SPOCK3: variants seen among roughly 807,000 people sequenced by gnomAD.
SPOCK3 encodes the protein SPARC (osteonectin), cwcv and kazal like domains proteoglycan 3.
In SPOCK3, 30 loss-of-function variants were observed where a neutral mutation model predicts 56.6. The observed-to-expected ratio is 0.53, with a 90% CI of 0.40 to 0.72. SPOCK3 has a LOEUF of 0.72. SPOCK3 is among the 30% of genes least tolerant of loss of function. The pLI is 0.00. For missense variants in SPOCK3, 527 were observed against 530.0 expected (o/e 0.99, Z 0.06); for synonymous variants, 196 against 183.3 (o/e 1.07, Z -0.56).
At chr4:166,906,079 T>C (rs1346309396) in intron 5 of SPOCK3, among the ~76,000 whole-genome samples, 2 of 152,054 alleles carry the variant, frequency 1.3e-5, no homozygotes, top group African/African-American at 4.8e-5. Context: ...GAAATTCTTA[T>C]GGAAATGCAA....
chr4:166,750,684 T>C (rs563762135), intron 8 of SPOCK3, among the ~76,000 whole-genome samples: 1 of 152,282 alleles, frequency 6.6e-6, no homozygotes, highest in East Asian at 1.9e-4. Flanking sequence ...TTGGTAATTT[T>C]CAATACAACA....
intron 2 of SPOCK3, among the ~76,000 whole-genome samples, chr4:167,105,482 G>C: frequency 1.4e-5 from 1 of 70,900 alleles, no homozygotes; most frequent in East Asian, 4.7e-4. Flanking sequence ...AAAAAAAAAC[G>C]AATCATACCA....
intron 3 of SPOCK3, among the ~76,000 whole-genome samples, chr4:167,017,610 A>G (rs911614056): frequency 7.9e-5 from 12 of 152,074 alleles, no homozygotes; most frequent in African/African-American, 2.7e-4. Flanking sequence ...GAATGAGGAG[A>G]CAGTTAAGAG....
intron 6 of SPOCK3, among the ~76,000 whole-genome samples, chr4:166,838,930 C>G (rs2126820508): frequency 6.6e-6 from 1 of 150,890 alleles, no homozygotes; most frequent in East Asian, 2.0e-4. Context: ...CCACTGCACT[C>G]TAGCCTAGGC....
chr4:167,233,960 G>C (rs778094481), intron 2 of SPOCK3, 25 bp downstream of exon 2: 4 of 1,601,082 alleles, frequency 2.5e-6, no homozygotes, highest in South Asian at 1.1e-5. Flanking sequence ...GCGTGTGCCC[G>C]GGGATGTGGG....
chr4:167,152,980 G>A (rs937595330), intron 2 of SPOCK3, among the ~76,000 whole-genome samples: 4 of 152,136 alleles, frequency 2.6e-5, no homozygotes, highest in African/African-American at 9.7e-5. Flanking sequence ...CCAATGTAAA[G>A]AAATCCAATC....
intron 2 of SPOCK3, among the ~76,000 whole-genome samples, chr4:167,163,239 T>C (rs1389020040): frequency 6.7e-6 from 1 of 149,782 alleles, no homozygotes; most frequent in Non-Finnish European, 1.5e-5. Context: ...AAAATGTCAC[T>C]ACATGAACGT....
At chr4:167,024,758 C>T (rs921478698) in intron 3 of SPOCK3, among the ~76,000 whole-genome samples, 8 of 151,770 alleles carry the variant, frequency 5.3e-5, no homozygotes, top group Admixed American at 3.9e-4. Flanking sequence ...GTACACTGCT[C>T]GGGTGGTGGG....
intron 8 of SPOCK3, among the ~76,000 whole-genome samples, chr4:166,746,905 A>T (rs1735689903): frequency 6.6e-6 from 1 of 152,194 alleles, no homozygotes; most frequent in Non-Finnish European, 1.5e-5. Context: ...AAATTCCTGG[A>T]CACATACACC....
At chr4:167,105,711 T>TA (rs1251922550) in intron 2 of SPOCK3, among the ~76,000 whole-genome samples, 5 of 151,432 alleles carry the variant, frequency 3.3e-5, no homozygotes, top group Non-Finnish European at 5.9e-5. Flanking sequence ...TTAAAAAAAT[T>TA]AAAAAAAGAC....
intron 2 of SPOCK3, among the ~76,000 whole-genome samples, chr4:167,152,142 T>C (rs931691216): frequency 1.4e-4 from 21 of 152,196 alleles, no homozygotes; most frequent in African/African-American, 5.1e-4. Context: ...GTAGCTTACA[T>C]CATTGTAAAA....
intron 2 of SPOCK3, among the ~76,000 whole-genome samples, chr4:167,158,803 T>A (rs2150433862): frequency 1.3e-5 from 2 of 152,114 alleles, no homozygotes; most frequent in East Asian, 1.9e-4. Context: ...ATAATAGATA[T>A]CACTTGGGAT....
At chr4:167,194,916 C>G (rs1035701861) in intron 2 of SPOCK3, among the ~76,000 whole-genome samples, 8 of 152,130 alleles carry the variant, frequency 5.3e-5, no homozygotes, top group African/African-American at 1.7e-4. Flanking sequence ...CCCATTCGGT[C>G]CCTGTAAAGA....
chr4:166,983,919 T>A (rs1315099322), intron 4 of SPOCK3, among the ~76,000 whole-genome samples: 1 of 152,028 alleles, frequency 6.6e-6, no homozygotes, highest in East Asian at 1.9e-4. Flanking sequence ...GAGTTGAAAA[T>A]CTTTTTCCTA....
intron 6 of SPOCK3, among the ~76,000 whole-genome samples, chr4:166,876,560 C>T (rs1579507344): frequency 1.3e-5 from 2 of 152,118 alleles, no homozygotes; most frequent in East Asian, 3.9e-4. Flanking sequence ...AATAGATGAT[C>T]CATCAGGTCT....
chr4:166,734,928 T>G lies in SPOCK3; in HGVS notation c.1295A>C (p.Tyr432Ser). ...GATTTCAACTGTCATCAATCAAATG[T>G]ATACATCATGGTCATCACCACCATC... Reference protein sequence around the residue: ...DDDGGDDHDVYI With the variant: ...DDDGGDDHDVSI The change falls in exon 11 of 11, where the codon TAC becomes TCC. Residue 432 changes from tyrosine to serine, a missense_variant. By Grantham distance (144) the Tyr-to-Ser change is moderately radical. Transcript: ENST00000357545. The G allele has an allele frequency of 1.9e-6, 3 of 1,544,052 alleles. No homozygotes were observed. Among genetic ancestry groups the G allele is most frequent in the Non-Finnish European group, 2.7e-6 (3 of 1,124,996 alleles).
chr4:167,012,658 T>G (rs1368949856), intron 3 of SPOCK3, among the ~76,000 whole-genome samples: 2 of 151,974 alleles, frequency 1.3e-5, no homozygotes, highest in Non-Finnish European at 2.9e-5. Context: ...CACGAAATAA[T>G]GCAATCAGTA....
chr4:166,797,176 G>C (rs1329932868), intron 6 of SPOCK3, among the ~76,000 whole-genome samples: 3 of 150,542 alleles, frequency 2.0e-5, no homozygotes, highest in Non-Finnish European at 4.4e-5. Context: ...CACTGGGACA[G>C]GTACAAAAGG....
chr4:166,939,951 T>C (rs1740865980), intron 4 of SPOCK3, among the ~76,000 whole-genome samples: 1 of 152,200 alleles, frequency 6.6e-6, no homozygotes, highest in South Asian at 2.1e-4. Flanking sequence ...GTTACTTTTT[T>C]CCAGGTTTTA....
Sources: allele counts gnomAD v4.1 joint callset (sites outside exome capture counted in the v4.1 genomes callset), GRCh38; gene constraint gnomAD v4.1.1; transcripts MANE v1.5; gene names NCBI Gene and HGNC (gene_info 2026-07-23, HGNC 2026-07-21).